KCNH8: variants seen among roughly 807,000 people sequenced by gnomAD.
The protein encoded by KCNH8 is voltage-gated delayed rectifier potassium channel KCNH8.
A neutral mutation model predicts 103.6 loss-of-function variants in KCNH8; 70 were observed. The ratio of observed to expected loss-of-function variants is 0.68; its 90% CI spans 0.56 to 0.82. The LOEUF (loss-of-function observed/expected upper bound fraction) is 0.82, where lower values mean the gene tolerates loss of function less well. KCNH8 is among the 40% of genes least tolerant of loss of function. The probability of loss-of-function intolerance (pLI) is 0.00; values close to 1 mark genes in which losing one functional copy is unlikely to be tolerated. For synonymous variants in KCNH8, 498 were observed against 489.4 expected (o/e 1.02, Z -0.23); for missense variants, 1,217 against 1,329.9 (o/e 0.92, Z 1.32).
chr3:19,424,598 AAAAT>A (rs922043742), intron 7 of KCNH8, among the ~76,000 whole-genome samples: 6 of 152,152 alleles, frequency 3.9e-5, no homozygotes, highest in African/African-American at 9.6e-5. Flanking sequence ...AACAAAACAA[AAAAT>A]AAATAGATTA....
chr3:19,525,602 T>C (rs1253971783), intron 15 of KCNH8, among the ~76,000 whole-genome samples: 1 of 151,932 alleles, frequency 6.6e-6, no homozygotes, highest in Non-Finnish European at 1.5e-5. Context: ...GCTGAAGTAA[T>C]GTCCAAAGGC....
intron 11 of KCNH8, among the ~76,000 whole-genome samples, chr3:19,458,613 A>G (rs1443195758): frequency 1.3e-5 from 2 of 151,896 alleles, no homozygotes; most frequent in Non-Finnish European, 2.9e-5. Flanking sequence ...AACACTTAAA[A>G]TCTCCTCCCT....
chr3:19,514,706 T>C (rs1327766457), intron 13 of KCNH8, among the ~76,000 whole-genome samples: 1 of 151,864 alleles, frequency 6.6e-6, no homozygotes, highest in East Asian at 1.9e-4. Flanking sequence ...TATTTAACTC[T>C]GACATTTAGA....
intron 3 of KCNH8, among the ~76,000 whole-genome samples, chr3:19,290,037 G>A (rs1185235616): frequency 6.6e-6 from 1 of 151,952 alleles, no homozygotes; most frequent in East Asian, 1.9e-4. Flanking sequence ...TCATGATTTG[G>A]CTCTCTGTTT....
At chr3:19,294,891 A>G (rs1368367326) in intron 3 of KCNH8, among the ~76,000 whole-genome samples, 1 of 152,194 alleles carries the variant, frequency 6.6e-6, no homozygotes, top group African/African-American at 2.4e-5. Flanking sequence ...CGTGGATTGC[A>G]TTCGTTCTGA....
intron 11 of KCNH8, among the ~76,000 whole-genome samples, chr3:19,498,954 G>A (rs2068511652): frequency 6.6e-6 from 1 of 152,254 alleles, no homozygotes; most frequent in Non-Finnish European, 1.5e-5. Flanking sequence ...ATCTCCAGCT[G>A]CGTGCTGGGA....
At chr3:19,285,444 T>C in intron 3 of KCNH8, among the ~76,000 whole-genome samples, 1 of 152,128 alleles carries the variant, frequency 6.6e-6, no homozygotes, top group East Asian at 1.9e-4. Flanking sequence ...ATCTCCTACA[T>C]TTGTTATAGG....
At chr3:19,486,032 G>C (rs1399286427) in intron 11 of KCNH8, among the ~76,000 whole-genome samples, 1 of 152,158 alleles carries the variant, frequency 6.6e-6, no homozygotes, top group African/African-American at 2.4e-5. Flanking sequence ...CAGCCTTCTG[G>C]GCTGAAGTGC....
At chr3:19,464,494 A>G (rs530863261) in intron 11 of KCNH8, among the ~76,000 whole-genome samples, 1 of 152,276 alleles carries the variant, frequency 6.6e-6, no homozygotes, top group South Asian at 2.1e-4. Flanking sequence ...TTTCTTGAGG[A>G]GGACATGGAC....
At chr3:19,510,525 A>G (rs1042788635) in intron 12 of KCNH8, 124 bp downstream of exon 12, 22 of 686,932 alleles carry the variant, frequency 3.2e-5, no homozygotes, top group South Asian at 1.0e-4. Flanking sequence ...TGACTTCCCA[A>G]TAAGAGATGT....
chr3:19,294,148 AT>A (rs922579762), intron 3 of KCNH8, among the ~76,000 whole-genome samples: 1 of 152,088 alleles, frequency 6.6e-6, no homozygotes, highest in Non-Finnish European at 1.5e-5. Flanking sequence ...TTGCTGGTTA[AT>A]TTTTTGTTCT....
At chr3:19,446,200 T>C (rs1291188411) in intron 8 of KCNH8, among the ~76,000 whole-genome samples, 1 of 152,024 alleles carries the variant, frequency 6.6e-6, no homozygotes. Flanking sequence ...TCTTTAAAAA[T>C]TCTTTCATAC....
chr3:19,472,018 T>A (rs6809083), intron 11 of KCNH8, among the ~76,000 whole-genome samples: 24,439 of 152,148 alleles, frequency 0.16, 2,716 homozygotes, highest in African/African-American at 0.3. Flanking sequence ...GAAAGTTTTT[T>A]AAAAATGAAT....
At chr3:19,498,181 T>G (rs556912738) in intron 11 of KCNH8, among the ~76,000 whole-genome samples, 2 of 152,170 alleles carry the variant, frequency 1.3e-5, no homozygotes, top group Non-Finnish European at 2.9e-5. Context: ...GGTGTATTGC[T>G]TCTTTCTCCG....
intron 2 of KCNH8, among the ~76,000 whole-genome samples, chr3:19,258,939 CTCTCTCTCTATATATATATATA>C (rs1310544896): frequency 4.0e-5 from 3 of 74,108 alleles, no homozygotes; most frequent in Non-Finnish European, 8.3e-5. Context: ...CTCTCTCTCT[CTCTCTCTCTATATATATATATA>C]TATATATATA....
intron 1 of KCNH8, among the ~76,000 whole-genome samples, chr3:19,182,580 T>A (rs373629534): frequency 3.9e-5 from 6 of 152,154 alleles, no homozygotes; most frequent in African/African-American, 1.4e-4. Context: ...AGCTTTCAGC[T>A]TTTTTTCCTG....
rs2068856563 is a variant in KCNH8, at chr3:19,515,384, C to G, written c.2498C>G (p.Ser833Cys). Residue 833 changes from serine to cysteine, a missense_variant, in exon 14 of 16, where the codon TCT (serine) becomes TGT (cysteine). This residue lies in a region of KCNH8 where 558 missense variants were observed against 495.8 expected (regional missense o/e 1.13). Coordinates refer to ENST00000328405, the MANE Select transcript of KCNH8 (RefSeq NM_144633.3). ...GAAAGTCAGACTTTTGATTTTGGCTCTGAACGAATCAGATCAGAGCCCAGA... is the reference window on the plus strand; with the variant it reads ...GAAAGTCAGACTTTTGATTTTGGCTGTGAACGAATCAGATCAGAGCCCAGA... ...SEESQTFDFG[S>C]ERIRSEPRIS... 4 of 1,584,758 alleles carry G rather than the reference C, an allele frequency of 2.5e-6. No homozygotes were observed. The highest frequency in any genetic ancestry group is 3.4e-6 in the Non-Finnish European group (4 of 1,165,616).
intron 11 of KCNH8, among the ~76,000 whole-genome samples, chr3:19,473,695 A>G (rs1028094954): frequency 3.4e-4 from 52 of 152,310 alleles, no homozygotes; most frequent in African/African-American, 1.3e-3. Context: ...ATAAATGAAA[A>G]TCTCTTTGGA....
At chr3:19,472,996 TA>T (rs1401376566) in intron 11 of KCNH8, among the ~76,000 whole-genome samples, 1 of 152,246 alleles carries the variant, frequency 6.6e-6, no homozygotes, top group Non-Finnish European at 1.5e-5. Context: ...ATTTAACTTT[TA>T]ATCCTTGCAT....
Sources: allele counts gnomAD v4.1 joint callset (sites outside exome capture counted in the v4.1 genomes callset), GRCh38; gene constraint gnomAD v4.1.1; regional missense constraint gnomAD v4.1.1; transcripts MANE v1.5; gene names NCBI Gene and HGNC (gene_info 2026-07-23, HGNC 2026-07-21).